The following PELI3 variants were observed in gnomAD, a reference collection of about 807,000 sequenced individuals.
PELI3 encodes the protein E3 ubiquitin-protein ligase pellino homolog 3.
PELI3 carries 19 observed loss-of-function variants against 35.5 expected under a neutral mutation model. The ratio of observed to expected loss-of-function variants is 0.54; its 90% CI spans 0.37 to 0.79. The LOEUF (loss-of-function observed/expected upper bound fraction) is 0.79, where lower values mean the gene tolerates loss of function less well. Among genes scored for constraint, PELI3 ranks in the 30% least tolerant of loss-of-function variants. PELI3 has a pLI of 0.00. For synonymous variants in PELI3, 262 were observed against 279.2 expected, an observed-to-expected ratio of 0.94 and a Z score of 0.62; for missense variants, 490 against 661.2, an observed-to-expected ratio of 0.74 and a Z score of 2.84.
intron 7 of PELI3, 115 bp downstream of exon 7, chr11:66,474,040 C>A: frequency 7.5e-7 from 1 of 1,339,070 alleles, no homozygotes; most frequent in Non-Finnish European, 1.0e-6. Context: ...GGAGCCCCAA[C>A]AGGCTCCATA....
intron 3 of PELI3, 125 bp downstream of exon 3, chr11:66,469,029 C>T (rs576152027): frequency 1.9e-5 from 10 of 532,778 alleles, no homozygotes; most frequent in South Asian, 8.6e-5. Flanking sequence ...GAGGAAGCAA[C>T]GTGATCTGGC....
At chr11:66,474,858 T>C (rs1176962921) in intron 7 of PELI3, 1 of 152,180 alleles carries the variant, frequency 6.6e-6, no homozygotes, top group Non-Finnish European at 1.5e-5. Flanking sequence ...GCCTCCCACG[T>C]AGCTGGGACT....
chr11:66,470,938 G>A (rs972012907), intron 3 of PELI3, among the ~76,000 whole-genome samples: 15 of 152,128 alleles, frequency 9.9e-5, no homozygotes, highest in African/African-American at 3.4e-4. Flanking sequence ...CAACTGACCC[G>A]TGGTGCATCA....
intron 3 of PELI3, among the ~76,000 whole-genome samples, chr11:66,470,298 A>G (rs888821570): frequency 6.6e-6 from 1 of 152,108 alleles, no homozygotes; most frequent in Non-Finnish European, 1.5e-5. Flanking sequence ...CAAAGCCACC[A>G]TTCCCTGATC....
chr11:66,475,816 A>T lies in PELI3; in HGVS notation c.1059A>T (p.Lys353Asn). The change falls in exon 8 of 8, where the codon AAA becomes AAT. Residue 353 changes from lysine to asparagine, a missense_variant. Around this residue, in one of 3 missense-constraint regions of PELI3, gnomAD observed 349 missense variants for 484.8 expected, o/e 0.72. Transcript: ENST00000320740. ...SPARGRTAPD[K>N]QQPWVYVRCG... Reference sequence around the variant, plus strand: ...CCCGTGGCCGCACAGCGCCCGACAAACAGCAGCCCTGGGTCTACGTCCGCT... The same window carrying T: ...CCCGTGGCCGCACAGCGCCCGACAATCAGCAGCCCTGGGTCTACGTCCGCT... 6.2e-7 allele frequency: 1 copy of T among 1,608,224 alleles called. No individual in the cohort carries two copies. Among genetic ancestry groups the T allele is most frequent in the Non-Finnish European group, 8.5e-7 (1 of 1,178,282 alleles).
chr11:66,471,163 A>G, intron 3 of PELI3, 79 bp from the exon 4 acceptor site: 2 of 1,493,568 alleles, frequency 1.3e-6, no homozygotes, highest in Non-Finnish European at 1.8e-6. Context: ...AGTTTCCTCC[A>G]AGTCTCATCA....
rs1408026925 is a variant in PELI3, at chr11:66,466,996, G to A, written c.-33G>A. ...CGAGCAGGGGCTAGGCGGGGAGGGAGCGGCGCCCAGCGGGGCCCGGAGCGT... is the reference window on the plus strand; with the variant it reads ...CGAGCAGGGGCTAGGCGGGGAGGGAACGGCGCCCAGCGGGGCCCGGAGCGT... On this transcript the variant is annotated 5_prime_UTR_variant, in exon 1 of 8. Transcript: ENST00000320740. The A allele has an allele frequency of 1.3e-5, 2 of 149,904 alleles. No homozygotes were observed. Among genetic ancestry groups the A allele is most frequent in the East Asian group, 1.9e-4 (1 of 5,136 alleles). The allele number at this position is 149,904 out of a possible 1,614,324, so 9.3% of individuals were successfully genotyped here.
rs552927480 is a variant in PELI3, at chr11:66,471,265, G to C, written c.248G>C (p.Gly83Ala). 1 of 1,613,524 alleles carries C rather than the reference G, an allele frequency of 6.2e-7. No individual in the cohort carries two copies. Among genetic ancestry groups the C allele is most frequent in the South Asian group, 1.1e-5 (1 of 91,022 alleles). ...AGCTACAATGGTTGTCTGGCAAGTG[G>C]GGACAAGGGCCGCCGGCGAAGCCGC... is the stretch of plus-strand genomic sequence containing the variant. Reference protein sequence around the residue: ...HSCYNGCLASGDKGRRRSRLA... With the variant: ...HSCYNGCLASADKGRRRSRLA... The change falls in exon 4 of 8, where the codon GGG becomes GCG. Residue 83 changes from glycine to alanine, a missense_variant. Gly to Ala is a moderately conservative substitution (Grantham distance 60). Coordinates refer to ENST00000320740, the MANE Select transcript of PELI3 (RefSeq NM_145065.3).
rs1207133402 is a variant in PELI3 at position 66,476,788 on chromosome 11, A to T, written c.*621A>T. 6.5e-6 allele frequency: 1 copy of T among 153,038 alleles called. No individual in the cohort carries two copies. Among genetic ancestry groups the T allele is most frequent in the Admixed American group, 6.5e-5 (1 of 15,322 alleles). 9.5% of individuals were successfully genotyped at this position (153,038 alleles called of 1,614,324 possible). On this transcript the variant is annotated 3_prime_UTR_variant, in exon 8 of 8. Transcript: ENST00000320740. ...TCAGACCTGGTTCCCCCCCTGGTGG[A>T]GTTCACAGTCTAGTGGAGGACAGAC... is the stretch of plus-strand genomic sequence containing the variant.
chr11:66,469,247 CT>C (rs1388562020), intron 3 of PELI3, among the ~76,000 whole-genome samples: 1 of 136,702 alleles, frequency 7.3e-6, no homozygotes, highest in Non-Finnish European at 1.6e-5. Flanking sequence ...TTGACACATG[CT>C]TTAAAAAAAA....
chr11:66,472,288 C>A, intron 4 of PELI3, 81 bp from the exon 5 acceptor site: 2 of 1,053,130 alleles, frequency 1.9e-6, no homozygotes, highest in Non-Finnish European at 3.0e-6. Flanking sequence ...GGCTGCTGGG[C>A]CTTGAGCTCC....
intron 3 of PELI3, among the ~76,000 whole-genome samples, chr11:66,470,655 T>C (rs559373197): frequency 1.3e-4 from 20 of 152,328 alleles, no homozygotes; most frequent in African/African-American, 4.6e-4. Flanking sequence ...AAATTTGACA[T>C]GTATGGACAT....
In PELI3 at chr11:66,476,202, C is replaced by A; in HGVS notation, c.*35C>A. The A allele has an allele frequency of 6.6e-7, 1 of 1,513,524 alleles. No homozygotes were observed. Among genetic ancestry groups the A allele is most frequent in the Non-Finnish European group, 8.8e-7 (1 of 1,132,634 alleles). 93.8% of individuals were successfully genotyped at this position (1,513,524 alleles called of 1,614,324 possible). On this transcript the variant is annotated 3_prime_UTR_variant, in exon 8 of 8. Coordinates refer to ENST00000320740, the MANE Select transcript of PELI3 (RefSeq NM_145065.3). Reference sequence around the variant, plus strand: ...GGCCCCCTGCTGCTGTGCCCACCTGCCCACCCAGGTCCCCACCTCCTGCAG... The same window carrying A: ...GGCCCCCTGCTGCTGTGCCCACCTGACCACCCAGGTCCCCACCTCCTGCAG...
chr11:66,468,927 G>T, intron 3 of PELI3, 23 bp downstream of exon 3: 1 of 739,004 alleles, frequency 1.4e-6, no homozygotes, highest in Admixed American at 1.9e-5. Context: ...GCTGGGATTT[G>T]GACCCAGGTC....
intron 3 of PELI3, among the ~76,000 whole-genome samples, chr11:66,469,865 T>C (rs1854661318): frequency 6.9e-6 from 1 of 145,506 alleles, no homozygotes; most frequent in East Asian, 2.1e-4. Flanking sequence ...AGTGGCACGA[T>C]ATCAGTTCAC....
chr11:66,474,140 A>G (rs943733394), intron 7 of PELI3: 61 of 707,842 alleles, frequency 8.6e-5, no homozygotes, highest in Non-Finnish European at 1.5e-4. Flanking sequence ...CATAGCATGC[A>G]TACCACTGGA....
chr11:66,468,153 G>A lies in PELI3; in HGVS notation c.25G>A (p.Val9Met), dbSNP rs1171469025. 2 of 1,608,924 alleles carry A rather than the reference G, an allele frequency of 1.2e-6. No homozygotes were observed. The highest frequency in any genetic ancestry group is 1.7e-6 in the Non-Finnish European group (2 of 1,177,288). ...AATGGTGCTGGAAGGAAACCCTGAA[G>A]TGGGGTCCCCCCGAACCTCAGACCT... MVLEGNPE[V>M]GSPRTSDLQH... is the part of the protein sequence containing the mutation. The change falls in exon 2 of 8, where the codon GTG becomes ATG. Residue 9 changes from valine (V) to methionine (M), a missense_variant. Transcript: ENST00000320740.
At chr11:66,470,942 T>C (rs1854693285) in intron 3 of PELI3, among the ~76,000 whole-genome samples, 1 of 152,096 alleles carries the variant, frequency 6.6e-6, no homozygotes, top group Non-Finnish European at 1.5e-5. Context: ...TGACCCGTGG[T>C]GCATCACCTC....
At chr11:66,471,114 G>A in intron 3 of PELI3, 128 bp from the exon 4 acceptor site, 1 of 1,262,436 alleles carries the variant, frequency 7.9e-7, no homozygotes, top group Non-Finnish European at 1.1e-6. Context: ...GGTGCTTGTA[G>A]AGCTTGTTTA....
Sources: gnomAD v4.1 joint callset for allele counts (sites outside exome capture counted in the v4.1 genomes callset) on GRCh38, gnomAD v4.1.1 for gene constraint, gnomAD v4.1.1 regional missense constraint, MANE v1.5 for transcripts, NCBI Gene and HGNC (gene_info 2026-07-23, HGNC 2026-07-21) for gene names.